PTPN4: variants seen among roughly 807,000 people sequenced by gnomAD.
PTPN4 encodes tyrosine-protein phosphatase non-receptor type 4.
A neutral mutation model predicts 135.5 loss-of-function variants in PTPN4; 49 were observed. The ratio of observed to expected loss-of-function variants is 0.36; its 90% CI spans 0.29 to 0.46. PTPN4 has a LOEUF of 0.46. Ranked by LOEUF, PTPN4 falls within the 20% of genes least tolerant of loss-of-function variation. The pLI, the probability that PTPN4 is intolerant of heterozygous loss-of-function variation, is 1.00. For missense variants in PTPN4, 860 were observed against 1,101.0 expected (o/e 0.78, Z 3.10); for synonymous variants, 333 against 369.9 (o/e 0.90, Z 1.14).
chr2:119,872,840 T>C (rs1049924683), intron 3 of PTPN4, among the ~76,000 whole-genome samples: 3 of 152,204 alleles, frequency 2.0e-5, no homozygotes, highest in Admixed American at 6.5e-5. Context: ...AACTTGATAC[T>C]GTGGAAAAGA....
Position 119,957,203 on chromosome 2 carries a change from T to C in PTPN4, c.2133+126T>C, listed in dbSNP as rs1264249005. The C allele has an allele frequency of 2.0e-5, 17 of 869,158 alleles. No individual in the cohort carries two copies. The South Asian group carries it at 2.3e-4, about 12-fold the overall frequency. The allele number at this position is 869,158 out of a possible 1,614,324, so 53.8% of individuals were successfully genotyped here. On this transcript the variant is annotated intron_variant, in intron 22 of 26. Coordinates refer to ENST00000263708, the MANE Select transcript of PTPN4 (RefSeq NM_002830.4). ...AAACTTTCAGCTATGAAAAATATTA[T>C]TGAAGTAATATTAAAGAAAATATTT...
chr2:119,777,990 C>CT (rs1162719017), intron 1 of PTPN4, among the ~76,000 whole-genome samples: 1 of 151,926 alleles, frequency 6.6e-6, no homozygotes, highest in African/African-American at 2.4e-5. Flanking sequence ...TATAAAAACT[C>CT]TATAGAGACC....
chr2:119,967,374 AG>A lies in PTPN4; in HGVS notation c.2559-461del. ...TGAGGCAGGAGAATCGCTTGAGCCCAGGAAGTAGAGGTTGCAGTGAGCCGAG... is the reference window on the plus strand; with the variant it reads ...TGAGGCAGGAGAATCGCTTGAGCCCAGAAGTAGAGGTTGCAGTGAGCCGAG... On this transcript the variant is annotated intron_variant, in intron 25 of 26. Coordinates refer to ENST00000263708, the MANE Select transcript of PTPN4 (RefSeq NM_002830.4). Among the ~76,000 whole-genome samples the A allele has an allele frequency of 2.0e-5, 3 of 152,118 alleles. No homozygotes were observed. In the Middle Eastern group the frequency reaches 0.01, roughly 517 times the overall value.
chr2:119,882,241 G>C, intron 7 of PTPN4, 92 bp downstream of exon 7: 1 of 1,280,406 alleles, frequency 7.8e-7, no homozygotes, highest in Non-Finnish European at 1.1e-6. Flanking sequence ...CTTTAGAAAT[G>C]TTGCTATATA....
intron 26 of PTPN4, among the ~76,000 whole-genome samples, chr2:119,973,914 T>C (rs1240267067): frequency 6.6e-6 from 1 of 152,144 alleles, no homozygotes; most frequent in African/African-American, 2.4e-5. Flanking sequence ...CATTAATTCA[T>C]TGGATTTGCA....
chr2:119,796,011 C>G (rs1391617157), intron 1 of PTPN4, among the ~76,000 whole-genome samples: 5 of 152,208 alleles, frequency 3.3e-5, no homozygotes, highest in African/African-American at 1.2e-4. Flanking sequence ...CTTTGGGGTG[C>G]CTGCGGGCCC....
intron 2 of PTPN4, among the ~76,000 whole-genome samples, chr2:119,835,840 C>A (rs535859768): frequency 6.6e-6 from 1 of 151,974 alleles, no homozygotes; most frequent in Non-Finnish European, 1.5e-5. Flanking sequence ...GAGGCCAAGG[C>A]GGGTGGATCA....
chr2:119,955,944 T>TAATAAATA (rs200278968), intron 20 of PTPN4, among the ~76,000 whole-genome samples: 88 of 148,858 alleles, frequency 5.9e-4, no homozygotes, highest in African/African-American at 1.4e-3. Flanking sequence ...CTCAAAAAAA[T>TAATAAATA]AATAAATAAA....
intron 3 of PTPN4, among the ~76,000 whole-genome samples, chr2:119,867,071 G>C (rs1357002041): frequency 2.0e-5 from 3 of 152,116 alleles, no homozygotes; most frequent in Admixed American, 6.5e-5. Flanking sequence ...TGCTGAATTT[G>C]AAGAACTGGA....
chr2:119,773,191 T>C (rs1263983009), intron 1 of PTPN4, among the ~76,000 whole-genome samples: 1 of 152,188 alleles, frequency 6.6e-6, no homozygotes, highest in East Asian at 1.9e-4. Flanking sequence ...TACTAATTTA[T>C]AATATCGTAG....
chr2:119,955,142 A>ATTT lies in PTPN4; in HGVS notation c.1814-5_1814-3dup. The ATTT allele has an allele frequency of 5.9e-6, 7 of 1,182,206 alleles. No homozygotes were observed. The highest frequency in any genetic ancestry group is 3.0e-5 in the South Asian group (2 of 65,882). 73.2% of individuals were successfully genotyped at this position (1,182,206 alleles called of 1,614,324 possible). On this transcript the variant is annotated splice_polypyrimidine_tract_variant and intron_variant, in intron 19 of 26. Coordinates refer to ENST00000263708, the MANE Select transcript of PTPN4 (RefSeq NM_002830.4). ...ATTTCCACGTTTTGGGGTTTGTTTG[A>ATTT]TTTTTTTTTTTTAGCTGTATATGAT...
intron 1 of PTPN4, among the ~76,000 whole-genome samples, chr2:119,807,363 G>A (rs565701253): frequency 4.0e-5 from 6 of 151,820 alleles, no homozygotes; most frequent in East Asian, 1.9e-4. Flanking sequence ...GGGAAGAATC[G>A]AATAGACGCA....
chr2:119,970,964 T>G (rs916355944), intron 26 of PTPN4, among the ~76,000 whole-genome samples: 7 of 152,230 alleles, frequency 4.6e-5, no homozygotes, highest in Non-Finnish European at 1.0e-4. Flanking sequence ...TGTTACTGTC[T>G]TTTTTTATTT....
At chr2:119,797,903 A>C (rs550515653) in intron 1 of PTPN4, among the ~76,000 whole-genome samples, 2 of 152,172 alleles carry the variant, frequency 1.3e-5, no homozygotes, top group South Asian at 4.1e-4. Flanking sequence ...ATTTGTTCAT[A>C]TCTTTTATAG....
chr2:119,848,806 G>T (rs751810348), intron 2 of PTPN4, among the ~76,000 whole-genome samples: 2 of 148,990 alleles, frequency 1.3e-5, no homozygotes, highest in Non-Finnish European at 3.0e-5. Flanking sequence ...TCACAATGTT[G>T]GTCAGGCTGG....
chr2:119,846,290 A>G (rs1020030447), intron 2 of PTPN4, among the ~76,000 whole-genome samples: 1 of 152,152 alleles, frequency 6.6e-6, no homozygotes, highest in African/African-American at 2.4e-5. Context: ...AAAGTTGAGT[A>G]TGGGAGTCTC....
At chr2:119,881,971 A>C in intron 6 of PTPN4, 126 bp from the exon 7 acceptor site, 1 of 1,095,538 alleles carries the variant, frequency 9.1e-7, no homozygotes, top group Non-Finnish European at 1.4e-6. Flanking sequence ...TCATCAGATA[A>C]GTTTATTTCT....
At chr2:119,903,258 C>G (rs954479050) in intron 10 of PTPN4, among the ~76,000 whole-genome samples, 1 of 152,142 alleles carries the variant, frequency 6.6e-6, no homozygotes, top group Non-Finnish European at 1.5e-5. Context: ...GACCACTGTA[C>G]AGCTGCATGT....
At chr2:119,785,083 C>T (rs1352351955) in intron 1 of PTPN4, among the ~76,000 whole-genome samples, 2 of 152,140 alleles carry the variant, frequency 1.3e-5, no homozygotes, top group East Asian at 3.8e-4. Context: ...TTGTCCTGTG[C>T]AATCCGTGAT....
Sources: allele counts gnomAD v4.1 joint callset (sites outside exome capture counted in the v4.1 genomes callset), GRCh38; gene constraint gnomAD v4.1.1; transcripts MANE v1.5; gene names NCBI Gene and HGNC (gene_info 2026-07-23, HGNC 2026-07-21).